The following GRIP2 variants were observed in gnomAD, a reference collection of about 807,000 sequenced individuals.
GRIP2 encodes the protein glutamate receptor interacting protein 2, also known as glutamate receptor-interacting protein 2.
A neutral mutation model predicts 108.3 loss-of-function variants in GRIP2; 58 were observed. That is an observed-to-expected ratio of 0.54 (90% CI 0.43 to 0.67). The LOEUF (loss-of-function observed/expected upper bound fraction) is 0.67. Among genes scored for constraint, GRIP2 ranks in the 30% least tolerant of loss-of-function variants. GRIP2 has a pLI of 0.00. For missense variants in GRIP2, 1,278 were observed against 1,430.6 expected (o/e 0.89, Z 1.72); for synonymous variants, 586 against 598.2 (o/e 0.98, Z 0.30).
At chr3:14,557,401 C>G (rs1038924002), upstream of GRIP2, among the ~76,000 whole-genome samples, 1 of 152,224 alleles carries the variant, frequency 6.6e-6, no homozygotes, top group Non-Finnish European at 1.5e-5. Context: ...AGAGCAGGCT[C>G]CAGGCTCAGA....
chr3:14,599,386 T>C, the GRIP2 span, among the ~76,000 whole-genome samples: 1 of 152,136 alleles, frequency 6.6e-6, no homozygotes. Context: ...AATCTGACCT[T>C]CTCAACTGGG....
chr3:14,542,984 G>A (rs1225495216), upstream of GRIP2, among the ~76,000 whole-genome samples: 3 of 152,184 alleles, frequency 2.0e-5, no homozygotes, highest in African/African-American at 7.2e-5. Flanking sequence ...AAAGCTTCTG[G>A]GTGTGCAGAG....
rs1249668834 is a variant in GRIP2, at chr3:14,494,898, C to A, written c.2915G>T (p.Arg972Leu). 2.5e-6 allele frequency: 4 copies of A among 1,613,870 alleles called. No homozygotes were observed. Among genetic ancestry groups the A allele is most frequent in the Non-Finnish European group, 3.4e-6 (4 of 1,179,830 alleles). ...TCCACGGTGGGCTGGCCCATCAGGG[C>A]GCACAGTGTGGACATAGACACCTTT... ...LEKGVYVHTV[R>L]PDGPAHRGGL... The change falls in exon 23 of 24, where the codon CGC (arginine) becomes CTC (leucine). Residue 972 changes from arginine to leucine, a missense_variant. Physicochemically the swap from Arg to Leu is moderately radical, Grantham distance 102. Transcript: ENST00000621039.
chr3:14,556,472 C>T (rs894127299), upstream of GRIP2, among the ~76,000 whole-genome samples: 5 of 152,220 alleles, frequency 3.3e-5, no homozygotes, highest in Non-Finnish European at 7.3e-5. Flanking sequence ...ACATTTCATA[C>T]TAGGTTGAGA....
Position 14,540,286 on chromosome 3 carries a change from T to C in GRIP2, c.23A>G (p.Glu8Gly). ...TTACGTACCCGCCTCTCCAGGGGTC[T>C]CCCGGCTGAGCCCACACAGCATGTT... MLCGLSR[E>G]TPGEADDGPY... The change falls in exon 1 of 24, where the codon GAG (glutamate) becomes GGG (glycine). Residue 8 changes from glutamate to glycine, a missense_variant. Physicochemically the swap from Glu to Gly is moderately conservative, Grantham distance 98. Coordinates refer to ENST00000621039, the MANE Select transcript of GRIP2 (RefSeq NM_001080423.4). The surrounding 1 kb of genome is among the most constrained non-coding windows in gnomAD (Gnocchi z 4.1). 1 of 1,613,668 alleles carries C rather than the reference T, an allele frequency of 6.2e-7. No homozygotes were observed. Among genetic ancestry groups the C allele is most frequent in the Non-Finnish European group, 8.5e-7 (1 of 1,179,756 alleles).
At chr3:14,513,574 G>T in intron 13 of GRIP2, 91 bp downstream of exon 13, 1 of 1,447,790 alleles carries the variant, frequency 6.9e-7, no homozygotes. Context: ...GAGGGGGATG[G>T]GGTGGAGCGT....
chr3:14,497,468 G>A (rs1319411660), intron 21 of GRIP2, among the ~76,000 whole-genome samples: 1 of 152,222 alleles, frequency 6.6e-6, no homozygotes, highest in Non-Finnish European at 1.5e-5. Context: ...CCAGGGAAGA[G>A]TCCCTGGCAG....
At chr3:14,576,429 G>A in the GRIP2 span, among the ~76,000 whole-genome samples, 33 of 152,322 alleles carry the variant, frequency 2.2e-4, 1 homozygote, top group Middle Eastern at 3.4e-3. Context: ...TTCACTACAC[G>A]GCCTCGCATT....
intron 4 of GRIP2, chr3:14,524,109 G>A (rs952101862): frequency 5.4e-5 from 29 of 535,540 alleles, no homozygotes; most frequent in Middle Eastern, 9.9e-4. Flanking sequence ...GTCAGGGAAC[G>A]ACTTATTCAG....
chr3:14,555,326 C>G (rs1695219612), intron 1 of GRIP2, among the ~76,000 whole-genome samples: 1 of 152,150 alleles, frequency 6.6e-6, no homozygotes, highest in African/African-American at 2.4e-5. Context: ...TCTGGACAGC[C>G]CCACGGCCTC....
At chr3:14,561,943 T>C in the GRIP2 span, among the ~76,000 whole-genome samples, 9 of 152,356 alleles carry the variant, frequency 5.9e-5, no homozygotes, top group African/African-American at 1.4e-4. Flanking sequence ...CAGATCTTTA[T>C]TCAGCACTGT....
Position 14,491,218 on chromosome 3 carries a change from C to G in GRIP2, c.*2447G>C, listed in dbSNP as rs959412173. 6.6e-6 allele frequency: 1 copy of G among 152,130 alleles called. No homozygotes were observed. 9.4% of individuals were successfully genotyped at this position (152,130 alleles called of 1,614,324 possible). On this transcript the variant is annotated 3_prime_UTR_variant, in exon 24 of 24. Coordinates refer to ENST00000621039, the MANE Select transcript of GRIP2 (RefSeq NM_001080423.4). ...AAAATCATCCCCATGGCACCTACCC[C>G]CAAGCCACTGCAACCCCTGGTGGGA...
chr3:14,507,700 C>A lies in GRIP2; in HGVS notation c.2079G>T (p.Arg693Ser), dbSNP rs746829347. The A allele has an allele frequency of 6.2e-6, 10 of 1,613,256 alleles. No individual in the cohort carries two copies. In the Admixed American group the frequency reaches 8.3e-5, roughly 13 times the overall value. Residue 693 changes from arginine to serine, a missense_variant and splice_region_variant, in exon 18 of 24, where the codon AGG becomes AGT. Arg to Ser is a moderately radical substitution (Grantham distance 110). Transcript: ENST00000621039. The surrounding 1 kb of genome is among the most constrained non-coding windows in gnomAD (Gnocchi z 4.6). ...GGTCCCCCACGTGGATGGCACCAGT[C>A]CTGAGGAGTGGATGCAGGGCAGAGA... The part of the protein sequence containing the change: ...SGLTKRGLAE[R>S]TGAIHVGDRI...
At chr3:14,573,906 T>A in the GRIP2 span, 1 of 1,155,664 alleles carries the variant, frequency 8.7e-7, no homozygotes, top group Non-Finnish European at 1.3e-6. Flanking sequence ...CCTGTCGTTG[T>A]GCATGCAGCA....
chr3:14,562,476 G>T, the GRIP2 span, among the ~76,000 whole-genome samples: 2 of 152,132 alleles, frequency 1.3e-5, no homozygotes, highest in Non-Finnish European at 2.9e-5. Context: ...GGTTCCTTTG[G>T]GGGTGGTTAA....
chr3:14,581,458 C>T, the GRIP2 span, among the ~76,000 whole-genome samples: 4 of 152,362 alleles, frequency 2.6e-5, no homozygotes, highest in South Asian at 8.3e-4. Flanking sequence ...GCTGACACTG[C>T]TTCCAAGAAG....
chr3:14,511,696 A>G lies in GRIP2; in HGVS notation c.1721-217T>C, dbSNP rs868856330. Among the ~76,000 whole-genome samples the G allele has an allele frequency of 1.3e-5, 2 of 152,088 alleles. No individual in the cohort carries two copies. Among genetic ancestry groups the G allele is most frequent in the African/African-American group, 4.8e-5 (2 of 41,406 alleles). On this transcript the variant is annotated intron_variant, in intron 14 of 23. Coordinates refer to ENST00000621039, the MANE Select transcript of GRIP2 (RefSeq NM_001080423.4). This position sits in a 1 kb window ranked among gnomAD's most constrained non-coding sequence, Gnocchi z 4.1. ...GGGTGGCACCGCAGACCTCATGGGG[A>G]TGTGGTGAGAGTAAACCAGATAACA...
At chr3:14,579,575 C>T in the GRIP2 span, among the ~76,000 whole-genome samples, 1 of 152,074 alleles carries the variant, frequency 6.6e-6, no homozygotes, top group Admixed American at 6.5e-5. Flanking sequence ...CTGAAAACAG[C>T]AACCACAGCC....
At chr3:14,508,693 T>C (rs1693998195) in intron 17 of GRIP2, among the ~76,000 whole-genome samples, 1 of 152,102 alleles carries the variant, frequency 6.6e-6, no homozygotes, top group African/African-American at 2.4e-5. Flanking sequence ...CAAATGTGAC[T>C]GCCCAAATTG....
Sources: allele counts gnomAD v4.1 joint callset (sites outside exome capture counted in the v4.1 genomes callset), GRCh38; gene constraint gnomAD v4.1.1; non-coding constraint Gnocchi (gnomAD v3.1); transcripts MANE v1.5; gene names NCBI Gene and HGNC (gene_info 2026-07-23, HGNC 2026-07-21).